The following TMEM132B variants were observed in gnomAD, a reference collection of about 807,000 sequenced individuals.
The protein encoded by TMEM132B is transmembrane protein 132B.
Under a neutral mutation model 90.8 loss-of-function variants are expected in TMEM132B, and 18 were observed. The observed-to-expected ratio is 0.20, with a 90% CI of 0.14 to 0.29. The LOEUF (loss-of-function observed/expected upper bound fraction) is 0.29, where lower values mean the gene tolerates loss of function less well. Ranked by LOEUF, TMEM132B falls within the 10% of genes least tolerant of loss-of-function variation. The pLI, the probability that TMEM132B is intolerant of heterozygous loss-of-function variation, is 1.00. For missense variants in TMEM132B, 1,096 were observed against 1,326.8 expected, an observed-to-expected ratio of 0.83 and a Z score of 2.70; for synonymous variants, 504 against 523.3, an observed-to-expected ratio of 0.96 and a Z score of 0.50.
intron 3 of TMEM132B, among the ~76,000 whole-genome samples, chr12:125,516,428 T>G (rs1883164976): frequency 6.6e-6 from 1 of 152,230 alleles, no homozygotes; most frequent in Non-Finnish European, 1.5e-5. Context: ...CCTAAAAGTA[T>G]AAGACCTCTT....
chr12:125,203,526 A>G (rs1011177773), intron 1 of TMEM132B, among the ~76,000 whole-genome samples: 1 of 152,242 alleles, frequency 6.6e-6, no homozygotes, highest in African/African-American at 2.4e-5. Context: ...CCATCTTGAC[A>G]TATACAAACA....
At chr12:125,280,523 T>A (rs1875129543) in intron 1 of TMEM132B, among the ~76,000 whole-genome samples, 1 of 152,242 alleles carries the variant, frequency 6.6e-6, no homozygotes, top group Non-Finnish European at 1.5e-5. Context: ...TGAGTGTCCA[T>A]CGCACCTGGC....
intron 4 of TMEM132B, among the ~76,000 whole-genome samples, chr12:125,550,222 T>C (rs1884189923): frequency 6.6e-6 from 1 of 152,190 alleles, no homozygotes; most frequent in Non-Finnish European, 1.5e-5. Context: ...CACCATCCAG[T>C]GGGCTGCAGC....
chr12:125,198,489 A>G (rs1405993461), intron 1 of TMEM132B, among the ~76,000 whole-genome samples: 1 of 152,196 alleles, frequency 6.6e-6, no homozygotes, highest in African/African-American at 2.4e-5. Context: ...CAGCGGAAAT[A>G]GAATGTTTCT....
At chr12:125,633,533 T>C (rs1369524771) in intron 5 of TMEM132B, among the ~76,000 whole-genome samples, 2 of 152,256 alleles carry the variant, frequency 1.3e-5, no homozygotes, top group Admixed American at 6.5e-5. Flanking sequence ...TATTATAGTC[T>C]TTACTGCCTG....
intron 4 of TMEM132B, among the ~76,000 whole-genome samples, chr12:125,571,410 T>G (rs1228727871): frequency 6.6e-6 from 1 of 152,236 alleles, no homozygotes; most frequent in Non-Finnish European, 1.5e-5. Flanking sequence ...GGGCACTTTG[T>G]TGGTTATCAA....
In TMEM132B at chr12:125,289,664, C is replaced by T. The variant is rs529527245; in HGVS notation, c.68-59788C>T. On this transcript the variant is annotated intron_variant, in intron 1 of 8. Transcript: ENST00000682704. ...TACACGTGTTAGCACATTTACTTCTCAGAGCAGATGCATAAGTAGATACTT... is the reference window on the plus strand; with the variant it reads ...TACACGTGTTAGCACATTTACTTCTTAGAGCAGATGCATAAGTAGATACTT... Among the ~76,000 whole-genome samples, 16 of 152,338 alleles carry T rather than the reference C, an allele frequency of 1.1e-4. 1 individual carries two copies. The highest frequency in any genetic ancestry group is 3.6e-4 in the African/African-American group (15 of 41,570).
chr12:125,507,733 C>T (rs959033486), intron 3 of TMEM132B, among the ~76,000 whole-genome samples: 34 of 151,994 alleles, frequency 2.2e-4, no homozygotes, highest in Non-Finnish European at 4.0e-4. Context: ...GCTAAGGGGC[C>T]GGGTATAGAT....
In TMEM132B at chr12:125,490,831, A is replaced by C. The variant is rs1882331780; in HGVS notation, c.1107-28608A>C. ...ACTTCTGTAAAGTACTCTATGGTGAAAGCAATGTGCCACTTAAAAGACTAG... is the reference window on the plus strand; with the variant it reads ...ACTTCTGTAAAGTACTCTATGGTGACAGCAATGTGCCACTTAAAAGACTAG... On this transcript the variant is annotated intron_variant, in intron 3 of 8. Coordinates refer to ENST00000682704, the MANE Select transcript of TMEM132B (RefSeq NM_001366854.1). This position sits in a 1 kb window ranked among gnomAD's most constrained non-coding sequence, Gnocchi z 4.2. Among the ~76,000 whole-genome samples the C allele has an allele frequency of 6.6e-6, 1 of 152,198 alleles. No homozygotes were observed. The highest frequency in any genetic ancestry group is 1.5e-5 in the Non-Finnish European group (1 of 68,048).
At chr12:125,529,531 C>G (rs1474003112) in intron 4 of TMEM132B, among the ~76,000 whole-genome samples, 1 of 152,188 alleles carries the variant, frequency 6.6e-6, no homozygotes, top group African/African-American at 2.4e-5. Flanking sequence ...GCCTTCCCAC[C>G]TCTGTGTGTC....
intron 6 of TMEM132B, among the ~76,000 whole-genome samples, chr12:125,647,965 C>T (rs568821431): frequency 7.5e-5 from 11 of 146,270 alleles, no homozygotes; most frequent in Admixed American, 2.1e-4. Context: ...AGGTTAGTTA[C>T]ATATGTATAC....
intron 1 of TMEM132B, among the ~76,000 whole-genome samples, chr12:125,196,934 A>G (rs1454111028): frequency 6.6e-6 from 1 of 152,078 alleles, no homozygotes; most frequent in African/African-American, 2.4e-5. Flanking sequence ...TTAGGATTTG[A>G]CTTGTGGTCT....
intron 4 of TMEM132B, among the ~76,000 whole-genome samples, chr12:125,582,961 C>A (rs1439766975): frequency 6.6e-6 from 1 of 151,884 alleles, no homozygotes; most frequent in Non-Finnish European, 1.5e-5. Context: ...AAGGTCAGAT[C>A]ATTCCATGTC....
intron 1 of TMEM132B, among the ~76,000 whole-genome samples, chr12:125,247,742 G>A (rs1023911890): frequency 6.6e-6 from 1 of 152,158 alleles, no homozygotes; most frequent in Non-Finnish European, 1.5e-5. Flanking sequence ...TCCCCTAGCC[G>A]ATGTCACCGG....
intron 1 of TMEM132B, among the ~76,000 whole-genome samples, chr12:125,304,979 C>A (rs888654092): frequency 6.6e-6 from 1 of 152,114 alleles, no homozygotes; most frequent in Non-Finnish European, 1.5e-5. Flanking sequence ...ACTATTGGAG[C>A]CATCGTCTTG....
At chr12:125,504,428 G>A (rs1025123401) in intron 3 of TMEM132B, among the ~76,000 whole-genome samples, 1 of 152,066 alleles carries the variant, frequency 6.6e-6, no homozygotes, top group African/African-American at 2.4e-5. Context: ...TTGTGACTCA[G>A]AGGTGCCATG....
chr12:125,414,100 G>A lies in TMEM132B; in HGVS notation c.960-1431G>A, dbSNP rs531892437. ...TTCCCTGATGACTAATGATGTTGTT[G>A]AGGGTATTTTCATGTGTTTATTGGC... On this transcript the variant is annotated intron_variant, in intron 2 of 8. Transcript: ENST00000682704. Among the ~76,000 whole-genome samples the A allele has an allele frequency of 1.4e-4, 21 of 152,318 alleles. 1 individual carries two copies. Among genetic ancestry groups the A allele is most frequent in the African/African-American group, 5.1e-4 (21 of 41,570 alleles).
At chr12:125,602,531 G>A (rs1012758110) in intron 5 of TMEM132B, among the ~76,000 whole-genome samples, 12 of 152,304 alleles carry the variant, frequency 7.9e-5, no homozygotes, top group African/African-American at 2.6e-4. Context: ...AAAGCTGGAA[G>A]CATTCCCTTT....
chr12:125,414,451 T>C (rs1208551343), intron 2 of TMEM132B, among the ~76,000 whole-genome samples: 1 of 152,182 alleles, frequency 6.6e-6, no homozygotes, highest in African/African-American at 2.4e-5. Flanking sequence ...TGACATCCTC[T>C]AACTCCTCCA....
Sources: gnomAD v4.1 joint callset for allele counts (sites outside exome capture counted in the v4.1 genomes callset) on GRCh38, gnomAD v4.1.1 for gene constraint, Gnocchi (gnomAD v3.1) non-coding constraint, MANE v1.5 for transcripts, NCBI Gene and HGNC (gene_info 2026-07-23, HGNC 2026-07-21) for gene names.